Variants in MCM5 observed in about 807,000 individuals in gnomAD.
MCM5 encodes the protein DNA replication licensing factor MCM5.
In MCM5, 46 loss-of-function variants were observed where a neutral mutation model predicts 79.9. The ratio of observed to expected loss-of-function variants is 0.58; its 90% CI spans 0.45 to 0.74. The LOEUF (loss-of-function observed/expected upper bound fraction) is 0.74. MCM5 is among the 30% of genes least tolerant of loss of function. The pLI is 0.00. For missense variants in MCM5, 883 were observed against 1,017.0 expected (o/e 0.87, Z 1.79); for synonymous variants, 404 against 390.5 (o/e 1.03, Z -0.41).
chr22:35,421,128 A>C (rs1341091009), intron 14 of MCM5, among the ~76,000 whole-genome samples, 190 bp from the exon 15 acceptor site: 1 of 22,236 alleles, frequency 4.5e-5, no homozygotes, highest in Non-Finnish European at 8.9e-5. Context: ...ACTTTGTCTC[A>C]AAAAAAAAAA....
chr22:35,417,927 C>T (rs1932591119), intron 13 of MCM5, 71 bp downstream of exon 13: 1 of 1,012,340 alleles, frequency 9.9e-7, no homozygotes, highest in East Asian at 2.4e-5. Context: ...ACCCAGTCCC[C>T]TGGTCCTGCT....
chr22:35,439,271 T>TCATC, the MCM5 span, among the ~76,000 whole-genome samples: 4 of 142,716 alleles, frequency 2.8e-5, no homozygotes, highest in East Asian at 2.2e-4. Context: ...ATCCATCCAA[T>TCATC]CATCCATCCA....
chr22:35,408,017 G>T (rs1601754479), intron 5 of MCM5, among the ~76,000 whole-genome samples: 1 of 152,292 alleles, frequency 6.6e-6, no homozygotes, highest in South Asian at 2.1e-4. Flanking sequence ...CCCTCAGAAT[G>T]GTCTAGAACT....
At chr22:35,441,718 C>T in the MCM5 span, among the ~76,000 whole-genome samples, 1 of 152,096 alleles carries the variant, frequency 6.6e-6, no homozygotes, top group South Asian at 2.1e-4. Context: ...GGGAAGGCTC[C>T]CTGGAAGAGG....
chr22:35,439,731 T>C, the MCM5 span, among the ~76,000 whole-genome samples: 119,953 of 151,748 alleles, frequency 0.79, 47,980 homozygotes, highest in African/African-American at 0.88. Context: ...GCTTCCTCTA[T>C]CACTTACTAA....
Position 35,421,358 on chromosome 22 carries a change from A to G in MCM5, c.1873A>G (p.Lys625Glu). ...AIVRIAEALS[K>E]MKLQPFATEA... is the part of the protein sequence containing the mutation. Reference sequence around the variant, plus strand: ...TGTGCGCATCGCGGAAGCCCTCAGCAAGATGAAGCTGCAGCCCTTCGCCAC... The same window carrying G: ...TGTGCGCATCGCGGAAGCCCTCAGCGAGATGAAGCTGCAGCCCTTCGCCAC... Residue 625 changes from lysine (K) to glutamate (E), a missense_variant, in exon 15 of 17, where the codon AAG becomes GAG. Lys to Glu is a moderately conservative substitution (Grantham distance 56). This residue lies in a region of MCM5 where 426 missense variants were observed against 482.3 expected (regional missense o/e 0.88). Coordinates refer to ENST00000216122, the MANE Select transcript of MCM5 (RefSeq NM_006739.4). 6.2e-7 allele frequency: 1 copy of G among 1,614,022 alleles called. No homozygotes were observed. The highest frequency in any genetic ancestry group is 1.1e-5 in the South Asian group (1 of 91,088).
At chr22:35,445,194 G>A in the MCM5 span, among the ~76,000 whole-genome samples, 4 of 152,190 alleles carry the variant, frequency 2.6e-5, no homozygotes, top group African/African-American at 9.6e-5. Context: ...ATGGGAATAA[G>A]CGTGACCTCA....
intron 7 of MCM5, chr22:35,411,295 GT>G (rs1374293606): frequency 5.9e-6 from 1 of 169,260 alleles, no homozygotes; most frequent in Admixed American, 5.7e-5. Flanking sequence ...GGACATGTGG[GT>G]AAAGTGGTGG....
chr22:35,438,079 C>T, the MCM5 span, among the ~76,000 whole-genome samples: 8 of 152,240 alleles, frequency 5.3e-5, no homozygotes, highest in East Asian at 1.2e-3. Flanking sequence ...GACCCAGGCA[C>T]GGACCATTGT....
At chr22:35,418,293 T>G (rs1156327981) in intron 13 of MCM5, among the ~76,000 whole-genome samples, 2 of 152,212 alleles carry the variant, frequency 1.3e-5, no homozygotes, top group Non-Finnish European at 2.9e-5. Context: ...GGCATAGCCC[T>G]GCCCTGGGTA....
chr22:35,404,908 T>C (rs1932165645), intron 4 of MCM5, among the ~76,000 whole-genome samples: 1 of 152,182 alleles, frequency 6.6e-6, no homozygotes, highest in African/African-American at 2.4e-5. Flanking sequence ...CGGCTGAGAA[T>C]TTATGTTTTA....
chr22:35,415,824 C>G lies in MCM5; in HGVS notation c.1204-5C>G. The G allele has an allele frequency of 6.2e-7, 1 of 1,610,712 alleles. No individual in the cohort carries two copies. The highest frequency in any genetic ancestry group is 1.1e-5 in the South Asian group (1 of 91,016). Reference sequence around the variant, plus strand: ...TTGGGCCCTGACACCACCCCACTGCCCCAGGTATACACGTCTGGGAAAGGC... The same window carrying G: ...TTGGGCCCTGACACCACCCCACTGCGCCAGGTATACACGTCTGGGAAAGGC... On this transcript the variant is annotated splice_region_variant and splice_polypyrimidine_tract_variant and intron_variant, in intron 9 of 16. Coordinates refer to ENST00000216122, the MANE Select transcript of MCM5 (RefSeq NM_006739.4).
At chr22:35,404,051 A>G (rs1352994537) in intron 4 of MCM5, among the ~76,000 whole-genome samples, 11 of 152,196 alleles carry the variant, frequency 7.2e-5, no homozygotes, top group Admixed American at 5.9e-4. Context: ...TTGAGGTTAC[A>G]GTGAGCTCTG....
chr22:35,440,011 A>G, the MCM5 span, among the ~76,000 whole-genome samples: 1 of 152,242 alleles, frequency 6.6e-6, no homozygotes, highest in East Asian at 1.9e-4. Flanking sequence ...AAAATCATCT[A>G]GAATCCCAGC....
the MCM5 span, among the ~76,000 whole-genome samples, chr22:35,452,059 C>T: frequency 6.6e-6 from 1 of 152,192 alleles, no homozygotes; most frequent in Non-Finnish European, 1.5e-5. Context: ...TTTCTTCCCT[C>T]TCCTGCTCCC....
At chr22:35,428,343 A>G (rs1932791103), downstream of MCM5, among the ~76,000 whole-genome samples, 1 of 150,150 alleles carries the variant, frequency 6.7e-6, no homozygotes, top group Non-Finnish European at 1.5e-5. Flanking sequence ...TTTTTTAGAG[A>G]TGGGGGTGGT....
chr22:35,424,285 C>G lies in MCM5; in HGVS notation c.*30C>G, dbSNP rs771533619. ...CGCCGCCTCACTGGACTCATGGACT[C>G]GCCCACGCCTCGCCCCTCCTGCCGC... is the stretch of plus-strand genomic sequence containing the variant. On this transcript the variant is annotated 3_prime_UTR_variant, in exon 17 of 17. Transcript: ENST00000216122. 1 of 1,464,958 alleles carries G rather than the reference C, an allele frequency of 6.8e-7. No individual in the cohort carries two copies. Among genetic ancestry groups the G allele is most frequent in the Non-Finnish European group, 9.3e-7 (1 of 1,079,278 alleles). 90.7% of individuals were successfully genotyped at this position (1,464,958 alleles called of 1,614,324 possible). A position where few individuals can be genotyped will look rare whatever the true frequency, so the allele number is the denominator to read the frequency against.
intron 16 of MCM5, 134 bp from the exon 17 acceptor site, chr22:35,424,020 G>T: frequency 1.7e-6 from 1 of 601,934 alleles, no homozygotes; most frequent in Non-Finnish European, 3.0e-6. Flanking sequence ...GTACACAGTG[G>T]GCACTCAGGA....
the MCM5 span, among the ~76,000 whole-genome samples, chr22:35,452,017 T>A: frequency 6.6e-6 from 1 of 152,330 alleles, no homozygotes; most frequent in East Asian, 1.9e-4. Context: ...CCACCTGCCC[T>A]GTGCTATCTC....
Sources: allele counts gnomAD v4.1 joint callset (sites outside exome capture counted in the v4.1 genomes callset), GRCh38; gene constraint gnomAD v4.1.1; regional missense constraint gnomAD v4.1.1; transcripts MANE v1.5; gene names NCBI Gene and HGNC (gene_info 2026-07-23, HGNC 2026-07-21).